Variants in MTHFD2L observed in about 807,000 individuals in gnomAD.
MTHFD2L encodes the protein bifunctional methylenetetrahydrofolate dehydrogenase/cyclohydrolase 2, mitochondrial.
A neutral mutation model predicts 34.9 loss-of-function variants in MTHFD2L; 29 were observed. The observed-to-expected ratio is 0.83, with a 90% CI of 0.62 to 1.13. MTHFD2L has a LOEUF of 1.13. Among genes scored for constraint, MTHFD2L ranks in the 50% most tolerant of loss-of-function variants. The probability of loss-of-function intolerance (pLI) is 0.00; values close to 1 mark genes in which losing one functional copy is unlikely to be tolerated. For missense variants in MTHFD2L, 481 were observed against 446.5 expected (o/e 1.08, Z -0.70); for synonymous variants, 167 against 155.7 (o/e 1.07, Z -0.54).
chr4:74,263,844 A>T (rs1250433838), intron 6 of MTHFD2L, among the ~76,000 whole-genome samples: 1 of 151,958 alleles, frequency 6.6e-6, no homozygotes, highest in East Asian at 1.9e-4. Flanking sequence ...AGTATATTAA[A>T]AGGGCAATGC....
intron 1 of MTHFD2L, among the ~76,000 whole-genome samples, chr4:74,126,401 G>A (rs1384809582): frequency 1.3e-5 from 2 of 152,114 alleles, no homozygotes; most frequent in Non-Finnish European, 2.9e-5. Flanking sequence ...ATCTGTGAGT[G>A]ACAAAGGTCA....
intron 1 of MTHFD2L, among the ~76,000 whole-genome samples, chr4:74,163,932 A>G (rs1370078852): frequency 3.9e-5 from 6 of 152,094 alleles, no homozygotes; most frequent in African/African-American, 7.2e-5. Flanking sequence ...CTGGAGTGCA[A>G]TAGCACGATC....
At chr4:74,190,436 G>A in intron 3 of MTHFD2L, 1 of 980,396 alleles carries the variant, frequency 1.0e-6, no homozygotes, top group South Asian at 4.7e-5. Flanking sequence ...CCTGCCTGAG[G>A]ACATCCTGGG....
intron 6 of MTHFD2L, among the ~76,000 whole-genome samples, chr4:74,252,743 G>A (rs1226351195): frequency 6.6e-6 from 1 of 152,024 alleles, no homozygotes; most frequent in Non-Finnish European, 1.5e-5. Flanking sequence ...AACATGGCTT[G>A]TGATATGGAA....
chr4:74,160,021 G>A (rs1446761963), intron 1 of MTHFD2L: 1 of 1,273,564 alleles, frequency 7.9e-7, no homozygotes, highest in East Asian at 5.6e-5. Context: ...CGGACAGTGT[G>A]TTGATGCTTA....
chr4:74,203,732 C>G (rs905920547), intron 5 of MTHFD2L, among the ~76,000 whole-genome samples: 4 of 152,216 alleles, frequency 2.6e-5, no homozygotes, highest in Non-Finnish European at 5.9e-5. Context: ...TCCCATGATC[C>G]AGTTACCTCC....
chr4:74,131,943 C>T (rs1416821884), intron 1 of MTHFD2L, among the ~76,000 whole-genome samples: 1 of 152,102 alleles, frequency 6.6e-6, no homozygotes, highest in Non-Finnish European at 1.5e-5. Flanking sequence ...ACAGACACTT[C>T]TTAAAAGAAG....
upstream of MTHFD2L, among the ~76,000 whole-genome samples, chr4:74,118,887 G>A (rs923260929): frequency 6.6e-6 from 1 of 152,212 alleles, no homozygotes; most frequent in African/African-American, 2.4e-5. Flanking sequence ...ACACCCTATT[G>A]TGAACTGCGC....
At chr4:74,192,630 G>A (rs999146438) in intron 3 of MTHFD2L, among the ~76,000 whole-genome samples, 2 of 152,028 alleles carry the variant, frequency 1.3e-5, no homozygotes, top group Admixed American at 1.3e-4. Context: ...GTTTCTTCAT[G>A]CCCCTTCCCA....
intron 1 of MTHFD2L, chr4:74,162,403 T>C (rs1300883364): frequency 2.0e-5 from 3 of 152,136 alleles, no homozygotes; most frequent in Non-Finnish European, 4.4e-5. Flanking sequence ...ATAATTAGGC[T>C]CATTAGAGTG....
Position 74,260,891 on chromosome 4 carries a change from G to A in MTHFD2L, c.806-20534G>A, listed in dbSNP as rs1430901754. On this transcript the variant is annotated intron_variant, in intron 6 of 7. Coordinates refer to ENST00000325278, the MANE Select transcript of MTHFD2L (RefSeq NM_001144978.3). ...ATGCAGAAAAAAGCAGTTATTAAAA[G>A]TGTATACCCATTTGTGTTTTTTTAA... Among the ~76,000 whole-genome samples the A allele has an allele frequency of 4.7e-5, 7 of 149,442 alleles. No individual in the cohort carries two copies. The East Asian group carries it at 1.4e-3, about 29-fold the overall frequency.
chr4:74,242,634 T>C (rs1051584476), intron 6 of MTHFD2L, among the ~76,000 whole-genome samples: 4 of 152,188 alleles, frequency 2.6e-5, no homozygotes, highest in Non-Finnish European at 5.9e-5. Flanking sequence ...GCTCCTGATA[T>C]TGATTCTTTA....
chr4:74,222,051 T>C (rs956319844), intron 5 of MTHFD2L, among the ~76,000 whole-genome samples: 1 of 152,082 alleles, frequency 6.6e-6, no homozygotes, highest in African/African-American at 2.4e-5. Context: ...CTTTATACTT[T>C]TAAATGTTCT....
In MTHFD2L at chr4:74,301,827, A is replaced by C. The variant is rs1750363688; in HGVS notation, c.*18A>C. On this transcript the variant is annotated 3_prime_UTR_variant, in exon 8 of 8. Transcript: ENST00000325278. ...TTTACTAGATCACATGAAAGGATAAAGCAAACTGAAGTCATGCTATTTGTT... is the reference window on the plus strand; with the variant it reads ...TTTACTAGATCACATGAAAGGATAACGCAAACTGAAGTCATGCTATTTGTT... The C allele has an allele frequency of 6.9e-7, 1 of 1,453,964 alleles. No homozygotes were observed. Among genetic ancestry groups the C allele is most frequent in the African/African-American group, 1.4e-5 (1 of 70,824 alleles). The allele number at this position is 1,453,964 out of a possible 1,614,324, so 90.1% of individuals were successfully genotyped here.
At chr4:74,181,972 T>C (rs774864433) in intron 3 of MTHFD2L, among the ~76,000 whole-genome samples, 1 of 152,168 alleles carries the variant, frequency 6.6e-6, no homozygotes, top group Non-Finnish European at 1.5e-5. Context: ...CATGAGAAAT[T>C]ATCAAATTTA....
rs939114240 is a variant in MTHFD2L, at chr4:74,185,177, AAAT to A, written c.451+9775_451+9777del. 3.3e-4 allele frequency among the ~76,000 whole-genome samples: 49 copies of A among 146,576 alleles called. 6 individuals carry two copies. Among genetic ancestry groups the A allele is most frequent in the African/African-American group, 8.9e-4 (33 of 37,190 alleles). ...AAAAAAAAAAAAAAAAAAAAAAAAAAAATCTGGAAAATCCCTAAATATTTGAAA... is the reference window on the plus strand; with the variant it reads ...AAAAAAAAAAAAAAAAAAAAAAAAAACTGGAAAATCCCTAAATATTTGAAA... On this transcript the variant is annotated intron_variant, in intron 3 of 7. Coordinates refer to ENST00000325278, the MANE Select transcript of MTHFD2L (RefSeq NM_001144978.3).
chr4:74,281,109 T>A (rs983596425), intron 6 of MTHFD2L, among the ~76,000 whole-genome samples: 3 of 151,890 alleles, frequency 2.0e-5, no homozygotes, highest in African/African-American at 7.3e-5. Flanking sequence ...ATGTCCGCAG[T>A]CTCCCCATGC....
intron 6 of MTHFD2L, among the ~76,000 whole-genome samples, chr4:74,272,120 G>A (rs900588551): frequency 9.2e-5 from 14 of 152,106 alleles, no homozygotes; most frequent in African/African-American, 3.1e-4. Context: ...CGTCGCTATC[G>A]AAACTAGCTA....
At chr4:74,203,175 A>T (rs1053662030) in intron 5 of MTHFD2L, among the ~76,000 whole-genome samples, 1 of 152,138 alleles carries the variant, frequency 6.6e-6, no homozygotes, top group Admixed American at 6.5e-5. Flanking sequence ...GTAAATTAAG[A>T]CTTGATAATG....
Sources: allele counts gnomAD v4.1 joint callset (sites outside exome capture counted in the v4.1 genomes callset), GRCh38; gene constraint gnomAD v4.1.1; transcripts MANE v1.5; gene names NCBI Gene and HGNC (gene_info 2026-07-23, HGNC 2026-07-21).